Variants in WLS observed in about 807,000 individuals in gnomAD.
WLS encodes the protein Wnt ligand secretion mediator.
Under a neutral mutation model 62.8 loss-of-function variants are expected in WLS, and 23 were observed. The ratio of observed to expected loss-of-function variants is 0.37; its 90% CI spans 0.26 to 0.52. WLS has a LOEUF of 0.52. Among genes scored for constraint, WLS ranks in the 20% least tolerant of loss-of-function variants. The pLI is 0.92. For synonymous variants in WLS, 246 were observed against 244.1 expected, an observed-to-expected ratio of 1.01 and a Z score of -0.07; for missense variants, 615 against 697.3, an observed-to-expected ratio of 0.88 and a Z score of 1.33.
chr1:68,164,180 A>G (rs1647027210), intron 2 of WLS, among the ~76,000 whole-genome samples: 1 of 152,238 alleles, frequency 6.6e-6, no homozygotes, highest in Non-Finnish European at 1.5e-5. Flanking sequence ...ATAAAGACAA[A>G]GACAGTAAAA....
At chr1:68,124,252 T>A (rs10889748), downstream of WLS, among the ~76,000 whole-genome samples, 1 of 151,484 alleles carries the variant, frequency 6.6e-6, no homozygotes, top group Non-Finnish European at 1.5e-5. Context: ...GTGATCATTC[T>A]GATCGTATCA....
chr1:68,135,305 C>CTT (rs71581156), intron 11 of WLS, among the ~76,000 whole-genome samples: 1,987 of 66,710 alleles, frequency 0.03, 120 homozygotes, highest in African/African-American at 0.056. Flanking sequence ...CCATGCCTGG[C>CTT]TTTTTTTTTT....
At chr1:68,231,981 G>A (rs1264711488) in intron 1 of WLS, among the ~76,000 whole-genome samples, 2 of 150,074 alleles carry the variant, frequency 1.3e-5, no homozygotes, top group East Asian at 2.0e-4. Flanking sequence ...ACTGAAACTA[G>A]GCCAAAACTT....
chr1:68,217,983 G>C (rs1649799679), intron 1 of WLS, among the ~76,000 whole-genome samples: 1 of 152,196 alleles, frequency 6.6e-6, no homozygotes, highest in African/African-American at 2.4e-5. Flanking sequence ...TTTTGAAAAT[G>C]AATTTCCCAT....
chr1:68,153,663 G>A lies in WLS; in HGVS notation c.667-10C>T, dbSNP rs1646857436. The stretch of plus-strand genomic sequence containing the variant: ...CATTTTGGTGGATCCCCTAGGCAGA[G>A]ACCAGTGATAATTTTGAAGGTGAAT... On this transcript the variant is annotated splice_polypyrimidine_tract_variant and intron_variant, in intron 4 of 11. Coordinates refer to ENST00000262348, the MANE Select transcript of WLS (RefSeq NM_024911.7). The A allele has an allele frequency of 6.2e-7, 1 of 1,613,802 alleles. No homozygotes were observed. The highest frequency in any genetic ancestry group is 8.5e-7 in the Non-Finnish European group (1 of 1,179,924).
chr1:68,176,610 C>T (rs1438965622), intron 2 of WLS, among the ~76,000 whole-genome samples: 2 of 152,312 alleles, frequency 1.3e-5, no homozygotes, highest in South Asian at 2.1e-4. Flanking sequence ...CTACCAGGCC[C>T]TCTGTCTTTC....
At chr1:68,139,144 C>T (rs1036089235) in intron 10 of WLS, among the ~76,000 whole-genome samples, 3 of 152,176 alleles carry the variant, frequency 2.0e-5, no homozygotes, top group African/African-American at 7.2e-5. Flanking sequence ...TAATTCTTCA[C>T]TTTTTGTGAC....
intron 1 of WLS, chr1:68,228,093 T>C (rs1571044802): frequency 7.6e-6 from 2 of 262,842 alleles, no homozygotes; most frequent in Non-Finnish European, 1.5e-5. Context: ...GTGTATGTTA[T>C]ATCTTATACA....
chr1:68,211,528 T>C (rs1417016735), intron 1 of WLS, among the ~76,000 whole-genome samples: 1 of 152,188 alleles, frequency 6.6e-6, no homozygotes, highest in Non-Finnish European at 1.5e-5. Flanking sequence ...GCACCAAAGA[T>C]TATTACCCTT....
At chr1:68,214,370 CTTT>C (rs11338686) in intron 1 of WLS, among the ~76,000 whole-genome samples, 1 of 148,340 alleles carries the variant, frequency 6.7e-6, no homozygotes. Context: ...CAACTTACTC[CTTT>C]TTTTTTTTTG....
At chr1:68,118,725 A>G (rs1262411645) in intron 11 of WLS, among the ~76,000 whole-genome samples, 1 of 151,830 alleles carries the variant, frequency 6.6e-6, no homozygotes, top group Non-Finnish European at 1.5e-5. Context: ...AATACAAAAA[A>G]TTAGCTGGGC....
In WLS at chr1:68,193,959, T is replaced by C; in HGVS notation, c.375A>G (p.Gln125=). The part of the protein sequence containing the change: ...QLDIAFKLNN[Q]IRENAEVSMD... ...TGAGAGGAGAGTACACTTAACTGATTTGGTTGTTTAGCTTGAAGGCAATGT... is the reference window on the plus strand; with the variant it reads ...TGAGAGGAGAGTACACTTAACTGATCTGGTTGTTTAGCTTGAAGGCAATGT... The change falls in exon 2 of 12, where the codon CAA becomes CAG. Residue 125 remains glutamine, a synonymous_variant. Transcript: ENST00000262348. 6.2e-7 allele frequency: 1 copy of C among 1,613,390 alleles called. No homozygotes were observed. Among genetic ancestry groups the C allele is most frequent in the Non-Finnish European group, 8.5e-7 (1 of 1,179,504 alleles).
chr1:68,210,767 A>C (rs935271146), intron 1 of WLS, among the ~76,000 whole-genome samples: 8 of 152,208 alleles, frequency 5.3e-5, no homozygotes, highest in African/African-American at 9.6e-5. Context: ...GGAGAGGTAA[A>C]CTACAATCTC....
intron 2 of WLS, among the ~76,000 whole-genome samples, chr1:68,179,160 G>C (rs1344726070): frequency 6.6e-6 from 1 of 152,180 alleles, no homozygotes; most frequent in Non-Finnish European, 1.5e-5. Flanking sequence ...TGTCTTGACT[G>C]AGCACTATCT....
At chr1:68,158,475 G>A (rs903551982) in intron 3 of WLS, among the ~76,000 whole-genome samples, 19 of 151,996 alleles carry the variant, frequency 1.3e-4, no homozygotes, top group African/African-American at 2.7e-4. Flanking sequence ...TCCTGCCTAC[G>A]TCATTGTATC....
chr1:68,208,263 C>A (rs928462158), intron 1 of WLS, among the ~76,000 whole-genome samples: 1 of 152,180 alleles, frequency 6.6e-6, no homozygotes, highest in African/African-American at 2.4e-5. Flanking sequence ...AGAGCAAAAA[C>A]TATTGACATG....
chr1:68,213,961 C>G lies in WLS; in HGVS notation c.106+18233G>C, dbSNP rs532172408. Among the ~76,000 whole-genome samples the G allele has an allele frequency of 5.9e-5, 9 of 152,300 alleles. No homozygotes were observed. In the South Asian group the frequency reaches 1.9e-3, roughly 32 times the overall value. ...CTGAATTTCCCAACCATCCCCAGCA[C>G]TACTGCTCGGCTTGGGCAGTCATTA... On this transcript the variant is annotated intron_variant, in intron 1 of 11. Transcript: ENST00000262348.
chr1:68,130,274 T>C (rs1646499423), intron 11 of WLS, among the ~76,000 whole-genome samples: 1 of 152,230 alleles, frequency 6.6e-6, no homozygotes, highest in South Asian at 2.1e-4. Context: ...GAGGTACCAC[T>C]AGAGGTCTTC....
At chr1:68,192,358 T>C (rs1648356544) in intron 2 of WLS, among the ~76,000 whole-genome samples, 1 of 152,080 alleles carries the variant, frequency 6.6e-6, no homozygotes, top group South Asian at 2.1e-4. Flanking sequence ...GGCTCACAGC[T>C]GTAAACCAAA....
Sources: gnomAD v4.1 joint callset for allele counts (sites outside exome capture counted in the v4.1 genomes callset) on GRCh38, gnomAD v4.1.1 for gene constraint, MANE v1.5 for transcripts, NCBI Gene and HGNC (gene_info 2026-07-23, HGNC 2026-07-21) for gene names.